The following SASH1 variants were observed in gnomAD, a reference collection of about 807,000 sequenced individuals.
SASH1 encodes SAM and SH3 domain-containing protein 1.
A neutral mutation model predicts 125.2 loss-of-function variants in SASH1; 44 were observed. That is an observed-to-expected ratio of 0.35 (90% confidence interval 0.28 to 0.45). The LOEUF is 0.45. SASH1 is among the 20% of genes least tolerant of loss of function. The pLI is 1.00. For missense variants in SASH1, 1,426 were observed against 1,614.5 expected, an observed-to-expected ratio of 0.88 and a Z score of 2.00; for synonymous variants, 639 against 649.1, an observed-to-expected ratio of 0.98 and a Z score of 0.24.
intron 10 of SASH1, chr6:148,524,359 AAAG>A (rs1781008800): frequency 6.6e-6 from 1 of 151,974 alleles, no homozygotes; most frequent in Non-Finnish European, 1.5e-5. Context: ...GATTTTTAAA[AAAG>A]ATAATTAGCT....
intron 1 of SASH1, among the ~76,000 whole-genome samples, chr6:148,294,529 A>G (rs924821174): frequency 2.0e-5 from 3 of 152,216 alleles, no homozygotes; most frequent in Non-Finnish European, 4.4e-5. Context: ...AACTGGTGAA[A>G]CACTTGCTTA....
Position 148,543,813 on chromosome 6 carries a change from ACAGGAGGAGGG to A in SASH1, c.2348_2358del (p.Glu783AlafsTer14). 14 of 1,614,112 alleles carry A rather than the reference ACAGGAGGAGGG, an allele frequency of 8.7e-6. No homozygotes were observed. Among genetic ancestry groups the A allele is most frequent in the Non-Finnish European group, 1.2e-5 (14 of 1,180,008 alleles). On this transcript the variant is annotated frameshift_variant, in exon 18 of 20. Coordinates refer to ENST00000367467, the MANE Select transcript of SASH1 (RefSeq NM_015278.5). LOFTEE classifies it high-confidence loss of function. The stretch of plus-strand genomic sequence containing the variant: ...AATCAGGGGATGCACTGAAGCAGGG[ACAGGAGGAGGG>A]CAGGCTGGGTGGTGGCCTTGCCCCA...
chr6:148,355,483 A>G (rs1300118398), intron 1 of SASH1, among the ~76,000 whole-genome samples: 4 of 152,220 alleles, frequency 2.6e-5, no homozygotes, highest in Non-Finnish European at 5.9e-5. Context: ...ATATTATAAA[A>G]TCTTCATGAT....
chr6:148,284,485 T>G (rs117825979), intron 1 of SASH1, among the ~76,000 whole-genome samples: 5,994 of 152,248 alleles, frequency 0.039, 172 homozygotes, highest in East Asian at 0.14. Context: ...AAATTAAAAT[T>G]TATAAACAAA....
rs756344953 is a variant in SASH1, at chr6:148,487,646, G to A, written c.660G>A (p.Ser220=). The A allele has an allele frequency of 1.5e-5, 25 of 1,613,388 alleles. No individual in the cohort carries two copies. The highest frequency in any genetic ancestry group is 3.3e-4 in the Middle Eastern group (2 of 6,044). ...LKEYEAQHRQ[S]AALDPADWPD... is the part of the protein sequence containing the mutation. ...AATACGAGGCCCAGCACCGGCAGTC[G>A]GCTGCCCTGGACCCTGCTGACTGGC... The change falls in exon 8 of 20, where the codon TCG becomes TCA. Residue 220 remains serine, a synonymous_variant. Coordinates refer to ENST00000367467, the MANE Select transcript of SASH1 (RefSeq NM_015278.5).
In SASH1 at chr6:148,525,022, A is replaced by T. The variant is rs529426080; in HGVS notation, c.1210-269A>T. The T allele has an allele frequency of 1.4e-3, 538 of 375,666 alleles. 2 individuals are homozygous for T. Among genetic ancestry groups the T allele is most frequent in the Middle Eastern group, 3.4e-3 (5 of 1,450 alleles). 23.3% of individuals were successfully genotyped at this position (375,666 alleles called of 1,614,324 possible). A position where few individuals can be genotyped will look rare whatever the true frequency, so the allele number is the denominator to read the frequency against. ...TTTTCTTTTGTTTTTTAGGCTTTTTAAAAAAAATGGTTGGTTTTTGCATGT... is the reference window on the plus strand; with the variant it reads ...TTTTCTTTTGTTTTTTAGGCTTTTTTAAAAAAATGGTTGGTTTTTGCATGT... On this transcript the variant is annotated intron_variant, in intron 10 of 19. Transcript: ENST00000367467.
chr6:148,496,181 T>A (rs1212992901), intron 8 of SASH1, among the ~76,000 whole-genome samples: 3 of 152,218 alleles, frequency 2.0e-5, no homozygotes, highest in Non-Finnish European at 2.9e-5. Flanking sequence ...AAAATAACTT[T>A]CATTTCTGAA....
At chr6:148,437,551 T>A (rs1236129643) in intron 2 of SASH1, among the ~76,000 whole-genome samples, 1 of 152,210 alleles carries the variant, frequency 6.6e-6, no homozygotes, top group Non-Finnish European at 1.5e-5. Context: ...CCAATCAATT[T>A]TCTGAAAAGT....
the SASH1 span, among the ~76,000 whole-genome samples, chr6:148,197,117 TA>T: frequency 6.6e-6 from 1 of 152,138 alleles, no homozygotes; most frequent in East Asian, 1.9e-4. Flanking sequence ...AATGGCTTGA[TA>T]AAGGCAGCAT....
intron 1 of SASH1, among the ~76,000 whole-genome samples, chr6:148,365,767 A>G (rs73601401): frequency 0.017 from 2,549 of 151,886 alleles, 65 homozygotes; most frequent in African/African-American, 0.058. Flanking sequence ...TGAGCTCAGG[A>G]GTTCGAGACC....
At chr6:148,370,995 A>T (rs1412771312) in intron 1 of SASH1, among the ~76,000 whole-genome samples, 1 of 152,160 alleles carries the variant, frequency 6.6e-6, no homozygotes, top group East Asian at 1.9e-4. Flanking sequence ...TTGGTGAAGG[A>T]TCTTACCCAG....
intron 1 of SASH1, among the ~76,000 whole-genome samples, chr6:148,307,333 G>C (rs1488144480): frequency 1.3e-5 from 2 of 151,838 alleles, no homozygotes; most frequent in Non-Finnish European, 2.9e-5. Context: ...GGTCAGGCTG[G>C]TCTCAAACCC....
intron 1 of SASH1, among the ~76,000 whole-genome samples, chr6:148,290,962 ATCTTT>A (rs1442311086): frequency 6.6e-6 from 1 of 150,902 alleles, no homozygotes; most frequent in East Asian, 1.9e-4. Flanking sequence ...GATAAAAGGC[ATCTTT>A]TCTTAATGCC....
intron 1 of SASH1, among the ~76,000 whole-genome samples, chr6:148,352,858 A>C (rs1218751724): frequency 7.9e-5 from 12 of 151,626 alleles, no homozygotes; most frequent in African/African-American, 2.9e-4. Context: ...AATCCCAGCT[A>C]CTGGGGAGGC....
At chr6:148,285,266 C>A (rs1256526452) in intron 1 of SASH1, among the ~76,000 whole-genome samples, 2 of 152,232 alleles carry the variant, frequency 1.3e-5, no homozygotes, top group Admixed American at 6.5e-5. Flanking sequence ...GCCCTGGAGT[C>A]CAACCTCCAA....
chr6:148,538,403 A>G (rs11752193), intron 16 of SASH1, among the ~76,000 whole-genome samples: 10,399 of 152,222 alleles, frequency 0.068, 497 homozygotes, highest in Non-Finnish European at 0.098. Flanking sequence ...TTTTATAAGT[A>G]TCATTTTTCT....
intron 1 of SASH1, among the ~76,000 whole-genome samples, chr6:148,358,248 G>C (rs1374475329): frequency 6.6e-6 from 1 of 152,084 alleles, no homozygotes; most frequent in Non-Finnish European, 1.5e-5. Flanking sequence ...AGATAATCCA[G>C]GGCGAGAGTT....
the SASH1 span, among the ~76,000 whole-genome samples, chr6:148,232,797 G>T: frequency 6.6e-6 from 1 of 152,204 alleles, no homozygotes; most frequent in Non-Finnish European, 1.5e-5. Context: ...CCTAAAGTCA[G>T]TGCCCACGAG....
intron 2 of SASH1, among the ~76,000 whole-genome samples, chr6:148,432,266 C>A (rs992321626): frequency 6.6e-6 from 1 of 152,194 alleles, no homozygotes; most frequent in East Asian, 1.9e-4. Flanking sequence ...TGAGCCCCCA[C>A]GCCTGAGCAA....
Sources: gnomAD v4.1 joint callset for allele counts (sites outside exome capture counted in the v4.1 genomes callset) on GRCh38, gnomAD v4.1.1 for gene constraint, MANE v1.5 for transcripts, NCBI Gene and HGNC (gene_info 2026-07-23, HGNC 2026-07-21) for gene names.